The following ANKS1B variants were observed in gnomAD, a reference collection of about 807,000 sequenced individuals.
ANKS1B encodes the protein ankyrin repeat and sterile alpha motif domain containing 1B, also known as ankyrin repeat and sterile alpha motif domain-containing protein 1B.
In ANKS1B, 36 loss-of-function variants were observed where a neutral mutation model predicts 148.3. The observed-to-expected ratio is 0.24, with a 90% CI of 0.19 to 0.32. The LOEUF (loss-of-function observed/expected upper bound fraction) is 0.32, where lower values mean the gene tolerates loss of function less well. Ranked by LOEUF, ANKS1B falls within the 10% of genes least tolerant of loss-of-function variation. The pLI is 1.00. For missense variants in ANKS1B, 1,157 were observed against 1,542.6 expected (o/e 0.75, Z 4.19); for synonymous variants, 542 against 560.8 (o/e 0.97, Z 0.47).
intron 11 of ANKS1B, among the ~76,000 whole-genome samples, chr12:99,412,590 T>A (rs1267786110): frequency 6.6e-6 from 1 of 152,254 alleles, no homozygotes; most frequent in Non-Finnish European, 1.5e-5. Context: ...TCTAGCAATA[T>A]TTGATTTTAT....
intron 12 of ANKS1B, among the ~76,000 whole-genome samples, chr12:99,354,604 T>C (rs1267876214): frequency 6.6e-6 from 1 of 152,098 alleles, no homozygotes; most frequent in East Asian, 1.9e-4. Context: ...GAACCCACTG[T>C]TGTCACACCA....
At chr12:98,862,022 T>C (rs961407257) in intron 17 of ANKS1B, among the ~76,000 whole-genome samples, 1 of 152,224 alleles carries the variant, frequency 6.6e-6, no homozygotes, top group African/African-American at 2.4e-5. Context: ...CCTCATTTTC[T>C]TTCTTTTTAA....
intron 1 of ANKS1B, among the ~76,000 whole-genome samples, chr12:99,850,105 CAG>C (rs2087462994): frequency 6.6e-6 from 1 of 152,044 alleles, no homozygotes. Context: ...CATTAGATAA[CAG>C]TGGTAACAGA....
rs151221700 is a variant in ANKS1B at position 98,773,430 on chromosome 12, T to C, written c.3442-251A>G. The stretch of plus-strand genomic sequence containing the variant: ...TGCAGTTCTCACCAGTTGCTGTGCA[T>C]AGAAGCAGTCTGGGTGGCGGCCACT... On this transcript the variant is annotated intron_variant, in intron 24 of 26. Coordinates refer to ENST00000683438, the MANE Select transcript of ANKS1B (RefSeq NM_001352186.2). 2.4e-3 allele frequency among the ~76,000 whole-genome samples: 360 copies of C among 152,274 alleles called. 2 individuals carry two copies. Among genetic ancestry groups the C allele is most frequent in the African/African-American group, 8.3e-3 (347 of 41,564 alleles).
rs1325930515 is a variant in ANKS1B at position 99,487,173 on chromosome 12, G to A, written c.1438+17303C>T. Among the ~76,000 whole-genome samples the A allele has an allele frequency of 2.6e-5, 4 of 152,200 alleles. No homozygotes were observed. The East Asian group carries it at 7.7e-4, about 29-fold the overall frequency. ...CCATCCAGGTCCTTCTGAACCACAG[G>A]GTATTCCCTTGATTTGGTACACTCC... On this transcript the variant is annotated intron_variant, in intron 10 of 26. Transcript: ENST00000683438.
chr12:99,064,971 A>G (rs2043628769), intron 16 of ANKS1B, among the ~76,000 whole-genome samples: 1 of 152,070 alleles, frequency 6.6e-6, no homozygotes, highest in Non-Finnish European at 1.5e-5. Flanking sequence ...ATTTGTTTTG[A>G]TATGTTTCCT....
intron 10 of ANKS1B, among the ~76,000 whole-genome samples, chr12:99,459,885 T>G (rs1213094749): frequency 1.3e-5 from 2 of 152,026 alleles, no homozygotes; most frequent in Non-Finnish European, 2.9e-5. Flanking sequence ...CCATCATTCT[T>G]CACAGAACTA....
In ANKS1B at chr12:99,780,249, T is replaced by C. The variant is rs112811860; in HGVS notation, c.746-277A>G. 1.7e-3 allele frequency among the ~76,000 whole-genome samples: 252 copies of C among 152,150 alleles called. 6 individuals carry two copies. Among genetic ancestry groups the C allele is most frequent in the African/African-American group, 4.4e-3 (184 of 41,498 alleles). ...TAACTCTTAAAGGGCACTGACCCAA[T>C]GTTTAAGATTGTTTTTCAGGACCCT... On this transcript the variant is annotated intron_variant, in intron 5 of 26. Coordinates refer to ENST00000683438, the MANE Select transcript of ANKS1B (RefSeq NM_001352186.2).
chr12:99,640,750 T>C (rs1210616385), intron 9 of ANKS1B, among the ~76,000 whole-genome samples: 2 of 152,280 alleles, frequency 1.3e-5, no homozygotes, highest in Non-Finnish European at 2.9e-5. Context: ...GGTAGGTAGA[T>C]GGATGGATGA....
intron 9 of ANKS1B, among the ~76,000 whole-genome samples, chr12:99,563,785 A>G (rs560267067): frequency 6.6e-6 from 1 of 152,272 alleles, no homozygotes; most frequent in South Asian, 2.1e-4. Flanking sequence ...TAAGGTAAAT[A>G]AAGTGCAATA....
chr12:98,966,944 C>T (rs1413029229), intron 17 of ANKS1B, among the ~76,000 whole-genome samples: 3 of 151,652 alleles, frequency 2.0e-5, no homozygotes, highest in Admixed American at 6.6e-5. Flanking sequence ...ATGTAAATGA[C>T]GAGTAAATGG....
At chr12:99,156,872 A>G (rs1482459069) in intron 14 of ANKS1B, among the ~76,000 whole-genome samples, 1 of 152,250 alleles carries the variant, frequency 6.6e-6, no homozygotes, top group Admixed American at 6.5e-5. Context: ...CCTGCTAAAC[A>G]AAATAATGTA....
Position 98,956,905 on chromosome 12 carries a change from C to T in ANKS1B, c.2778+96252G>A, listed in dbSNP as rs575953739. 5.3e-5 allele frequency among the ~76,000 whole-genome samples: 8 copies of T among 152,222 alleles called. No individual in the cohort carries two copies. In the East Asian group the frequency reaches 1.5e-3, roughly 29 times the overall value. ...CCTCCCTCCATCTCACTGCCATGTC[C>T]TCCTTCTCCTACCAGCTACTTAAAG... On this transcript the variant is annotated intron_variant, in intron 17 of 26. Transcript: ENST00000683438.
chr12:99,473,956 T>A (rs1321988214), intron 10 of ANKS1B, among the ~76,000 whole-genome samples: 1 of 152,110 alleles, frequency 6.6e-6, no homozygotes, highest in Non-Finnish European at 1.5e-5. Context: ...AAGAAATCCT[T>A]CCCTAAACTA....
At chr12:99,454,479 C>T (rs2095813576) in intron 10 of ANKS1B, among the ~76,000 whole-genome samples, 2 of 152,202 alleles carry the variant, frequency 1.3e-5, no homozygotes, top group Admixed American at 6.5e-5. Flanking sequence ...GAGTCAAAAA[C>T]TCGAAGAGTT....
Position 99,894,865 on chromosome 12 carries a change from G to T in ANKS1B, c.135-69476C>A, listed in dbSNP as rs2093326184. On this transcript the variant is annotated intron_variant, in intron 1 of 26. Coordinates refer to ENST00000683438, the MANE Select transcript of ANKS1B (RefSeq NM_001352186.2). ...ATAGGCTTTGTGTTAGATGATTTTGGCTAATGTAAGAGTTCTGAACATGTT... is the reference window on the plus strand; with the variant it reads ...ATAGGCTTTGTGTTAGATGATTTTGTCTAATGTAAGAGTTCTGAACATGTT... Among the ~76,000 whole-genome samples, 7 of 149,562 alleles carry T rather than the reference G, an allele frequency of 4.7e-5. 1 individual carries two copies.
chr12:99,769,250 G>C (rs550246819), intron 8 of ANKS1B, among the ~76,000 whole-genome samples: 1 of 152,036 alleles, frequency 6.6e-6, no homozygotes, highest in East Asian at 1.9e-4. Context: ...CTGATTTTTG[G>C]CTCCCTAGAC....
chr12:99,767,679 C>T, intron 8 of ANKS1B, among the ~76,000 whole-genome samples: 1 of 151,988 alleles, frequency 6.6e-6, no homozygotes, highest in Middle Eastern at 3.2e-3. Context: ...AATTTACATT[C>T]TAGATTATAT....
rs536918974 is a variant in ANKS1B at position 99,192,942 on chromosome 12, T to C, written c.2420-38547A>G. On this transcript the variant is annotated intron_variant, in intron 14 of 26. Transcript: ENST00000683438. ...AACTTATGCTACTTTACTCTCCTAG[T>C]ATTGCAAGCTAAAATCTTTTAATAC... is the stretch of plus-strand genomic sequence containing the variant. Among the ~76,000 whole-genome samples the C allele has an allele frequency of 2.1e-4, 32 of 152,306 alleles. No individual in the cohort carries two copies. In the South Asian group the frequency reaches 4.3e-3, roughly 21 times the overall value.
Sources: gnomAD v4.1 joint callset for allele counts (sites outside exome capture counted in the v4.1 genomes callset) on GRCh38, gnomAD v4.1.1 for gene constraint, MANE v1.5 for transcripts, NCBI Gene and HGNC (gene_info 2026-07-23, HGNC 2026-07-21) for gene names.